MAPK12: variants seen among roughly 807,000 people sequenced by gnomAD.
The protein encoded by MAPK12 is MAP kinase 12.
In MAPK12, 49 loss-of-function variants were observed where a neutral mutation model predicts 49.1. The observed-to-expected ratio is 1.00, with a 90% confidence interval of 0.79 to 1.27. The LOEUF (loss-of-function observed/expected upper bound fraction) is 1.27, where lower values mean the gene tolerates loss of function less well. MAPK12 is among the 50% of genes most tolerant of loss of function. The pLI, the probability that MAPK12 is intolerant of heterozygous loss-of-function variation, is 0.00. For missense variants in MAPK12, 554 were observed against 502.4 expected (o/e 1.10, Z -0.98); for synonymous variants, 251 against 209.7 (o/e 1.20, Z -1.70).
intron 11 of MAPK12, 178 bp downstream of exon 11, chr22:50,255,019 C>A: frequency 2.0e-6 from 3 of 1,482,786 alleles, no homozygotes; most frequent in Non-Finnish European, 2.7e-6. Context: ...GGATCTAGGA[C>A]TCTGAGCCTG....
At chr22:50,254,780 G>C in intron 11 of MAPK12, 2 of 1,129,128 alleles carry the variant, frequency 1.8e-6, no homozygotes, top group Non-Finnish European at 2.2e-6. Context: ...CATGGCGGAA[G>C]GGCAGCAGGT....
chr22:50,260,810 G>A (rs1358934411), intron 2 of MAPK12: 1 of 174,508 alleles, frequency 5.7e-6, no homozygotes, highest in Non-Finnish European at 1.2e-5. Flanking sequence ...AAATCCTCCC[G>A]CCGGGAGCAT....
chr22:50,255,485 A>G lies in MAPK12; in HGVS notation c.818T>C (p.Phe273Ser). 1 of 1,613,148 alleles carries G rather than the reference A, an allele frequency of 6.2e-7. No homozygotes were observed. Among genetic ancestry groups the G allele is most frequent in the Non-Finnish European group, 8.5e-7 (1 of 1,180,004 alleles). Residue 273 changes from phenylalanine to serine, a missense_variant, in exon 10 of 12, where the codon TTT (phenylalanine) becomes TCT (serine). By Grantham distance (155) the Phe-to-Ser change is radical. Coordinates refer to ENST00000215659, the MANE Select transcript of MAPK12 (RefSeq NM_002969.6). ...KGLPELEKKD[F>S]ASILTNASPL... Reference sequence around the variant, plus strand: ...GCTTGCATTGGTCAGGATAGAGGCAAAATCCTTCTTCTCCAATTCGGGGAG... The same window carrying G: ...GCTTGCATTGGTCAGGATAGAGGCAGAATCCTTCTTCTCCAATTCGGGGAG...
At chr22:50,259,696 A>C (rs1183220920) in intron 2 of MAPK12, among the ~76,000 whole-genome samples, 2 of 152,044 alleles carry the variant, frequency 1.3e-5, no homozygotes, top group African/African-American at 4.8e-5. Flanking sequence ...CAGTCTGCCC[A>C]ACATAGTGAA....
In MAPK12 at chr22:50,259,571, G is replaced by C. The variant is rs115160725; in HGVS notation, c.256-1270C>G. ...GGCACAGCGGAGATCCCAGCACAGC[G>C]GGGCGGTGGCTAAAGAAAAGCCCCG... On this transcript the variant is annotated intron_variant, in intron 2 of 11. Transcript: ENST00000215659. Among the ~76,000 whole-genome samples, 925 of 152,280 alleles carry C rather than the reference G, an allele frequency of 6.1e-3. 18 individuals are homozygous for C. The highest frequency in any genetic ancestry group is 0.02 in the African/African-American group (831 of 41,554).
intron 2 of MAPK12, among the ~76,000 whole-genome samples, chr22:50,258,881 G>C (rs2065180054): frequency 6.6e-6 from 1 of 152,224 alleles, no homozygotes; most frequent in African/African-American, 2.4e-5. Context: ...GTAGACATGT[G>C]GGCTGCGGGA....
rs374214502 is a variant in MAPK12 at position 50,256,092 on chromosome 22, C to G, written c.612G>C (p.Thr204=). Residue 204 remains threonine, a synonymous_variant, in exon 7 of 12, where the codon ACG becomes ACC. Coordinates refer to ENST00000215659, the MANE Select transcript of MAPK12 (RefSeq NM_002969.6). ...CTCTGGGCAGCTTCTCACCCGTCTG[C>G]GTGTAGCGCATCCAATTCAAGATGA... ...PEVILNWMRY[T]QTVDIWSVGC... The G allele has an allele frequency of 4.3e-6, 7 of 1,611,794 alleles. No homozygotes were observed. The highest frequency in any genetic ancestry group is 5.9e-6 in the Non-Finnish European group (7 of 1,179,486).
intron 3 of MAPK12, 96 bp downstream of exon 3, chr22:50,258,147 G>A: frequency 1.7e-6 from 2 of 1,174,466 alleles, no homozygotes; most frequent in Non-Finnish European, 1.3e-6. Flanking sequence ...TCAGGCTGCA[G>A]GAAGAGAACC....
At chr22:50,260,964 A>G in intron 2 of MAPK12, 1 of 523,004 alleles carries the variant, frequency 1.9e-6, no homozygotes, top group Non-Finnish European at 3.1e-6. Context: ...GGGCTGGCGG[A>G]GGATGGGGAA....
intron 2 of MAPK12, among the ~76,000 whole-genome samples, chr22:50,260,246 ACGGGGCACTTTGCTGGTG>A (rs2065197350): frequency 2.0e-5 from 3 of 150,706 alleles, no homozygotes; most frequent in African/African-American, 7.3e-5. Flanking sequence ...TTGCTGGTGG[ACGGGGCACTTTGCTGGTG>A]GACGCAGGGA....
chr22:50,257,500 G>C (rs1381158035), intron 3 of MAPK12: 5 of 524,020 alleles, frequency 9.5e-6, no homozygotes, highest in Non-Finnish European at 1.7e-5. Flanking sequence ...CTGCGTGCCA[G>C]GCTAGGGGCT....
At chr22:50,254,730 G>A (rs1451510847) in intron 11 of MAPK12, 13 of 1,072,622 alleles carry the variant, frequency 1.2e-5, no homozygotes, top group East Asian at 7.7e-5. Flanking sequence ...ACAAGCGGAC[G>A]TGGTGAGGGT....
chr22:50,258,234 G>A lies in MAPK12; in HGVS notation c.314+9C>T, dbSNP rs2065172514. On this transcript the variant is annotated intron_variant, in intron 3 of 11. Coordinates refer to ENST00000215659, the MANE Select transcript of MAPK12 (RefSeq NM_002969.6). ...TCGTGCCCAGCGGCCAGCCCAGGTC[G>A]GCACTCACAAGTCCGTGAAGTCATC... 5 of 1,612,952 alleles carry A rather than the reference G, an allele frequency of 3.1e-6. No homozygotes were observed. Among genetic ancestry groups the A allele is most frequent in the Middle Eastern group, 1.7e-4 (1 of 6,060 alleles).
At chr22:50,254,587 G>C (rs958972153) in intron 11 of MAPK12, 14 of 918,494 alleles carry the variant, frequency 1.5e-5, no homozygotes, top group Non-Finnish European at 1.8e-5. Context: ...GGGAGACGGA[G>C]CTTGCAGTGA....
chr22:50,253,843 C>T (rs115145844), intron 11 of MAPK12: 132 of 288,714 alleles, frequency 4.6e-4, no homozygotes, highest in African/African-American at 2.7e-3. Context: ...CATAAGCACA[C>T]GAATATGCAC....
In MAPK12 at chr22:50,256,941, G is replaced by A. The variant is rs2072876; in HGVS notation, c.450C>T (p.Ile150=). Residue 150 remains isoleucine, a synonymous_variant, in exon 5 of 12, where the codon ATC becomes ATT. Coordinates refer to ENST00000215659, the MANE Select transcript of MAPK12 (RefSeq NM_002969.6). ...CTTCTCCACCGGGACTCACTCTGTG[G>A]ATGATGCCGGCAGCGTGGATATACT... is the stretch of plus-strand genomic sequence containing the variant. ...GLRYIHAAGI[I]HRDLKPGNLA... is the part of the protein sequence containing the mutation. 0.025 allele frequency: 39,463 copies of A among 1,606,324 alleles called. 824 individuals are homozygous for A. Among genetic ancestry groups the A allele is most frequent in the East Asian group, 0.1 (4,634 of 44,726 alleles).
intron 7 of MAPK12, 27 bp from the exon 8 acceptor site, chr22:50,255,908 G>A (rs750672010): frequency 3.6e-5 from 57 of 1,602,046 alleles, no homozygotes; most frequent in Non-Finnish European, 4.4e-5. Flanking sequence ...GGTCAGCTCC[G>A]TGGGCAGGGG....
intron 2 of MAPK12, 180 bp downstream of exon 2, chr22:50,260,987 G>T (rs1167612112): frequency 6.2e-6 from 4 of 650,082 alleles, no homozygotes; most frequent in African/African-American, 2.0e-5. Flanking sequence ...GCCCTTGGGG[G>T]AGTCGTCTCC....
chr22:50,253,498 G>GGGA lies in MAPK12; in HGVS notation c.1025-19_1025-18insTCC. ...AGTAACACCTGGCGGGGGTGGGGGG[G>GGGA]CGGGCACAACAGAGAGGGGGGTCAG... On this transcript the variant is annotated intron_variant, in intron 11 of 11. Transcript: ENST00000215659. 1 of 466,304 alleles carries GGGA rather than the reference G, an allele frequency of 2.1e-6. No individual in the cohort carries two copies. Among genetic ancestry groups the GGGA allele is most frequent in the Non-Finnish European group, 4.3e-6 (1 of 231,034 alleles). 28.9% of individuals were successfully genotyped at this position (466,304 alleles called of 1,614,324 possible).
Sources: gnomAD v4.1 joint callset for allele counts (sites outside exome capture counted in the v4.1 genomes callset) on GRCh38, gnomAD v4.1.1 for gene constraint, MANE v1.5 for transcripts, NCBI Gene and HGNC (gene_info 2026-07-23, HGNC 2026-07-21) for gene names.